Variants in NRXN1 observed in about 807,000 individuals in gnomAD.
NRXN1 encodes the protein neurexin 1, also known as neurexin-1.
Under a neutral mutation model 150.9 loss-of-function variants are expected in NRXN1, and 39 were observed. The observed-to-expected ratio is 0.26, with a 90% CI of 0.20 to 0.34. NRXN1 has a LOEUF of 0.34. NRXN1 is among the 10% of genes least tolerant of loss of function. The pLI is 1.00. For synonymous variants in NRXN1, 924 were observed against 757.0 expected (o/e 1.22, Z -3.62); for missense variants, 1,815 against 1,949.9 (o/e 0.93, Z 1.30).
rs533755648 is a variant in NRXN1 at position 50,628,976 on chromosome 2, T to C, written c.833-5361A>G. On this transcript the variant is annotated intron_variant, in intron 5 of 22. Coordinates refer to ENST00000401669, the MANE Select transcript of NRXN1 (RefSeq NM_001330078.2). ...TCCACAGAATGAATAAAATGAAAAA[T>C]ACAAAAAAATCCAGTGTCAGTGAGG... 3.9e-4 allele frequency among the ~76,000 whole-genome samples: 59 copies of C among 151,424 alleles called. 1 individual carries two copies. The East Asian group carries it at 5.5e-3, about 14-fold the overall frequency.
chr2:50,479,823 G>A (rs2090323019), intron 15 of NRXN1, among the ~76,000 whole-genome samples: 1 of 131,228 alleles, frequency 7.6e-6, no homozygotes, highest in African/African-American at 2.9e-5. Flanking sequence ...GCCCAGGCTG[G>A]AGTGCAGTGG....
intron 17 of NRXN1, among the ~76,000 whole-genome samples, chr2:50,293,360 G>C (rs7422975): frequency 6.6e-6 from 1 of 152,110 alleles, no homozygotes; most frequent in African/African-American, 2.4e-5. Flanking sequence ...TTCTCTGAGG[G>C]AAGTAGTCAT....
At chr2:50,483,182 C>G (rs956918905) in intron 15 of NRXN1, among the ~76,000 whole-genome samples, 2 of 151,970 alleles carry the variant, frequency 1.3e-5, no homozygotes, top group Middle Eastern at 3.2e-3. Flanking sequence ...ACACTCCCAC[C>G]AGTGCCATGA....
At chr2:50,656,821 T>G (rs1015819856) in intron 5 of NRXN1, among the ~76,000 whole-genome samples, 3 of 151,958 alleles carry the variant, frequency 2.0e-5, no homozygotes, top group Non-Finnish European at 4.4e-5. Context: ...ATAACTTCAT[T>G]ATTAGAGATG....
At chr2:50,357,951 T>C (rs1419262488) in intron 17 of NRXN1, among the ~76,000 whole-genome samples, 1 of 151,708 alleles carries the variant, frequency 6.6e-6, no homozygotes, top group Non-Finnish European at 1.5e-5. Context: ...GGGTGGGGCG[T>C]CACATGACCC....
At chr2:50,303,675 A>G (rs2074364885) in intron 17 of NRXN1, among the ~76,000 whole-genome samples, 1 of 152,164 alleles carries the variant, frequency 6.6e-6, no homozygotes, top group Non-Finnish European at 1.5e-5. Context: ...CACCACAAAA[A>G]ATTACATCAA....
At position 50,120,142 on chromosome 2, in the gene NRXN1, G is replaced by T. The variant is rs575107232; in HGVS notation, c.3547-28648C>A. ...TATTATACTTGTAATTATTCACTTT[G>T]TTTCTCATATAAGTGCAATCTCATT... On this transcript the variant is annotated intron_variant, in intron 18 of 22. Transcript: ENST00000401669. Among the ~76,000 whole-genome samples, 79 of 148,976 alleles carry T rather than the reference G, an allele frequency of 5.3e-4. 1 individual carries two copies. In the South Asian group the frequency reaches 0.015, roughly 29 times the overall value.
chr2:50,161,240 A>G (rs1243712230), intron 18 of NRXN1, among the ~76,000 whole-genome samples: 1 of 152,142 alleles, frequency 6.6e-6, no homozygotes, highest in African/African-American at 2.4e-5. Context: ...ATATTACTTC[A>G]TTTTCAAAAT....
At chr2:50,095,363 G>A (rs931639475) in intron 18 of NRXN1, among the ~76,000 whole-genome samples, 1 of 152,136 alleles carries the variant, frequency 6.6e-6, no homozygotes, top group East Asian at 1.9e-4. Context: ...AGTACAGGAA[G>A]ATATCTGTTA....
At chr2:50,359,799 T>C (rs750042744) in intron 17 of NRXN1, among the ~76,000 whole-genome samples, 32 of 151,804 alleles carry the variant, frequency 2.1e-4, no homozygotes, top group Non-Finnish European at 4.0e-4. Context: ...CCAAAACACA[T>C]AATCATCAGA....
intron 2 of NRXN1, among the ~76,000 whole-genome samples, chr2:50,951,229 G>A (rs1001528330): frequency 5.3e-5 from 8 of 152,150 alleles, no homozygotes; most frequent in African/African-American, 1.9e-4. Flanking sequence ...GATGAGATGA[G>A]AGGAGTACTA....
rs565033960 is a variant in NRXN1 at position 50,741,300 on chromosome 2, A to C, written c.833-117685T>G. ...TATTTCTCTATGGATGAAGTTATGC[A>C]TAGTGTAACTTTGAAAAAGGACCCA... On this transcript the variant is annotated intron_variant, in intron 5 of 22. Coordinates refer to ENST00000401669, the MANE Select transcript of NRXN1 (RefSeq NM_001330078.2). 3.3e-5 allele frequency among the ~76,000 whole-genome samples: 5 copies of C among 152,192 alleles called. No homozygotes were observed. In the South Asian group the frequency reaches 1.0e-3, roughly 31 times the overall value.
At chr2:50,725,302 C>A (rs1227630412) in intron 5 of NRXN1, among the ~76,000 whole-genome samples, 2 of 150,162 alleles carry the variant, frequency 1.3e-5, no homozygotes. Context: ...TATGTTTGGG[C>A]TCATGTTTAT....
intron 18 of NRXN1, among the ~76,000 whole-genome samples, chr2:50,171,466 G>A (rs555208705): frequency 1.9e-4 from 29 of 151,952 alleles, no homozygotes; most frequent in Non-Finnish European, 3.2e-4. Flanking sequence ...CACTGTTATG[G>A]GTGTTGGAAA....
chr2:50,498,083 G>A (rs1277523384), intron 13 of NRXN1, among the ~76,000 whole-genome samples: 2 of 152,140 alleles, frequency 1.3e-5, no homozygotes, highest in African/African-American at 2.4e-5. Flanking sequence ...CGCATTAGGA[G>A]CAGTGACTAT....
chr2:50,572,218 C>A (rs192051277), intron 8 of NRXN1, among the ~76,000 whole-genome samples: 1 of 152,218 alleles, frequency 6.6e-6, no homozygotes, highest in Non-Finnish European at 1.5e-5. Flanking sequence ...CATGCACATA[C>A]TGTGCCCAAA....
intron 17 of NRXN1, among the ~76,000 whole-genome samples, chr2:50,399,187 G>A (rs1426688505): frequency 6.6e-6 from 1 of 151,888 alleles, no homozygotes; most frequent in Non-Finnish European, 1.5e-5. Context: ...TTCAAGAACA[G>A]GGGAAATGGC....
intron 17 of NRXN1, among the ~76,000 whole-genome samples, chr2:50,266,166 T>C (rs2068843706): frequency 6.7e-6 from 1 of 149,296 alleles, no homozygotes; most frequent in South Asian, 2.1e-4. Context: ...GCCCAGGTAA[T>C]TTTTGTAGTT....
chr2:50,087,390 A>C (rs1160896204), intron 19 of NRXN1, among the ~76,000 whole-genome samples: 1 of 152,144 alleles, frequency 6.6e-6, no homozygotes, highest in African/African-American at 2.4e-5. Context: ...CTGTGATAGG[A>C]AAACAAATTC....
Sources: allele counts gnomAD v4.1 joint callset (sites outside exome capture counted in the v4.1 genomes callset), GRCh38; gene constraint gnomAD v4.1.1; transcripts MANE v1.5; gene names NCBI Gene and HGNC (gene_info 2026-07-23, HGNC 2026-07-21).